The following GPR158 variants were observed in gnomAD, a reference collection of about 807,000 sequenced individuals.
GPR158 encodes G protein-coupled receptor 158, also known as metabotropic glycine receptor.
GPR158 carries 30 observed loss-of-function variants against 78.2 expected under a neutral mutation model. That is an observed-to-expected ratio of 0.38 (90% CI 0.29 to 0.52). The LOEUF is 0.52. Ranked by LOEUF, GPR158 falls within the 20% of genes least tolerant of loss-of-function variation. The pLI, the probability that GPR158 is intolerant of heterozygous loss-of-function variation, is 0.83. For missense variants in GPR158, 1,463 were observed against 1,523.5 expected (o/e 0.96, Z 0.66); for synonymous variants, 581 against 591.1 (o/e 0.98, Z 0.25).
intron 4 of GPR158, among the ~76,000 whole-genome samples, chr10:25,448,245 TG>T (rs1318786380): frequency 6.6e-6 from 1 of 151,674 alleles, no homozygotes; most frequent in Non-Finnish European, 1.5e-5. Context: ...CCACCACGCC[TG>T]GCTAATTTTT....
chr10:25,446,070 G>A (rs1347341407), intron 4 of GPR158, among the ~76,000 whole-genome samples: 1 of 152,044 alleles, frequency 6.6e-6, no homozygotes, highest in Admixed American at 6.6e-5. Context: ...AAGAAGAGAG[G>A]CAGACTCCTA....
chr10:25,254,016 A>G (rs1331792656), intron 2 of GPR158, among the ~76,000 whole-genome samples: 11 of 152,210 alleles, frequency 7.2e-5, no homozygotes, highest in Admixed American at 6.5e-4. Flanking sequence ...ATGGAAGGAT[A>G]TGTGTGTATG....
chr10:25,370,364 T>G (rs1297719124), intron 2 of GPR158, among the ~76,000 whole-genome samples: 5 of 137,946 alleles, frequency 3.6e-5, no homozygotes, highest in East Asian at 4.0e-4. Context: ...CCTGGTATGT[T>G]GTGTCTTTGT....
chr10:25,522,231 G>C (rs900829449), intron 5 of GPR158, among the ~76,000 whole-genome samples: 3 of 152,146 alleles, frequency 2.0e-5, no homozygotes, highest in African/African-American at 7.2e-5. Flanking sequence ...GGCAGTTTTA[G>C]AGAAATTCCC....
At chr10:25,369,709 T>G (rs1348105806) in intron 2 of GPR158, among the ~76,000 whole-genome samples, 1 of 151,738 alleles carries the variant, frequency 6.6e-6, no homozygotes, top group Non-Finnish European at 1.5e-5. Context: ...GATTCCCTCT[T>G]TTTCTGTTGA....
chr10:25,569,581 G>A (rs1379347660), intron 6 of GPR158, among the ~76,000 whole-genome samples: 1 of 152,120 alleles, frequency 6.6e-6, no homozygotes, highest in Non-Finnish European at 1.5e-5. Flanking sequence ...GCTGGGTATT[G>A]AGAACCAAAC....
chr10:25,494,409 G>T (rs1244307240), intron 5 of GPR158, among the ~76,000 whole-genome samples: 1 of 152,082 alleles, frequency 6.6e-6, no homozygotes, highest in Non-Finnish European at 1.5e-5. Context: ...GAAGAAAAAA[G>T]TAAAGCCCTC....
intron 4 of GPR158, among the ~76,000 whole-genome samples, chr10:25,450,215 T>C (rs1297979304): frequency 6.6e-6 from 1 of 151,938 alleles, no homozygotes; most frequent in Non-Finnish European, 1.5e-5. Flanking sequence ...TCTGCAGCCC[T>C]ATGGTGGGGA....
At chr10:25,259,664 T>G (rs1314747872) in intron 2 of GPR158, among the ~76,000 whole-genome samples, 1 of 152,202 alleles carries the variant, frequency 6.6e-6, no homozygotes, top group Non-Finnish European at 1.5e-5. Context: ...GATTGAATTG[T>G]GTTATATCCA....
intron 4 of GPR158, among the ~76,000 whole-genome samples, chr10:25,425,012 A>C (rs965515278): frequency 4.9e-4 from 74 of 152,282 alleles, no homozygotes; most frequent in African/African-American, 1.7e-3. Flanking sequence ...CTTCCTACCC[A>C]TGAGCATGGA....
chr10:25,432,422 A>C (rs1754285), intron 4 of GPR158, among the ~76,000 whole-genome samples: 106,176 of 151,814 alleles, frequency 0.7, 38,120 homozygotes, highest in Non-Finnish European at 0.8. Context: ...GGTCGTTTCA[A>C]TTCTAGAAGT....
intron 5 of GPR158, among the ~76,000 whole-genome samples, chr10:25,493,165 A>G (rs1835834404): frequency 6.6e-6 from 1 of 152,194 alleles, no homozygotes; most frequent in Admixed American, 6.5e-5. Context: ...TTGAGTCATG[A>G]GTGCCTTTGT....
chr10:25,413,337 A>G (rs1305377986), intron 4 of GPR158, among the ~76,000 whole-genome samples: 1 of 152,204 alleles, frequency 6.6e-6, no homozygotes, highest in Non-Finnish European at 1.5e-5. Context: ...CCCTGTCTCA[A>G]TAAAAAGAGG....
intron 6 of GPR158, among the ~76,000 whole-genome samples, chr10:25,560,392 A>G (rs1836845978): frequency 6.6e-6 from 1 of 151,972 alleles, no homozygotes; most frequent in Non-Finnish European, 1.5e-5. Context: ...CAGCCTCCTG[A>G]GTAGCTGGGA....
In GPR158 at chr10:25,582,082, C is replaced by A. The variant is rs148032420; in HGVS notation, c.1754-6925C>A. ...CCCAAGAATAGTATGGGGGAAACCA[C>A]CCTCATGATTCAGTTATCTCCCATG... On this transcript the variant is annotated intron_variant, in intron 7 of 10. Coordinates refer to ENST00000376351, the MANE Select transcript of GPR158 (RefSeq NM_020752.3). Among the ~76,000 whole-genome samples the A allele has an allele frequency of 9.2e-5, 14 of 152,276 alleles. No homozygotes were observed. The East Asian group carries it at 2.3e-3, about 25-fold the overall frequency.
In GPR158 at chr10:25,424,173, A is replaced by T. The variant is rs553013124; in HGVS notation, c.1335+11700A>T. Among the ~76,000 whole-genome samples the T allele has an allele frequency of 2.0e-5, 3 of 152,202 alleles. No homozygotes were observed. The South Asian group carries it at 6.2e-4, about 32-fold the overall frequency. ...TTTCATGTGTCTGTTGGCTGCATAA[A>T]TGTCTTCTTTTGAGAAGTGTCTGTT... On this transcript the variant is annotated intron_variant, in intron 4 of 10. Coordinates refer to ENST00000376351, the MANE Select transcript of GPR158 (RefSeq NM_020752.3).
rs543021231 is a variant in GPR158, at chr10:25,310,236, C to G, written c.1009-85675C>G. Reference sequence around the variant, plus strand: ...ACGTAAAGGTTCATATCTGCGCTCTCTGTTCAGTTCCATCAATCTATATGT... The same window carrying G: ...ACGTAAAGGTTCATATCTGCGCTCTGTGTTCAGTTCCATCAATCTATATGT... On this transcript the variant is annotated intron_variant, in intron 2 of 10. Coordinates refer to ENST00000376351, the MANE Select transcript of GPR158 (RefSeq NM_020752.3). Among the ~76,000 whole-genome samples, 6 of 152,286 alleles carry G rather than the reference C, an allele frequency of 3.9e-5. No individual in the cohort carries two copies. The East Asian group carries it at 7.7e-4, about 20-fold the overall frequency.
At chr10:25,569,310 T>C (rs942464074) in intron 6 of GPR158, among the ~76,000 whole-genome samples, 4 of 152,194 alleles carry the variant, frequency 2.6e-5, no homozygotes, top group African/African-American at 7.2e-5. Context: ...TTACTGTAAC[T>C]GGAATCGTAG....
intron 1 of GPR158, among the ~76,000 whole-genome samples, chr10:25,203,318 A>G (rs1852963566): frequency 6.6e-6 from 1 of 152,226 alleles, no homozygotes; most frequent in Non-Finnish European, 1.5e-5. Flanking sequence ...TTAGTCGTGA[A>G]GTCCTTGCCC....
Sources: gnomAD v4.1 joint callset for allele counts (sites outside exome capture counted in the v4.1 genomes callset) on GRCh38, gnomAD v4.1.1 for gene constraint, MANE v1.5 for transcripts, NCBI Gene and HGNC (gene_info 2026-07-23, HGNC 2026-07-21) for gene names.